PARD3B: variants seen among roughly 807,000 people sequenced by gnomAD.
PARD3B encodes the protein partitioning defective 3 homolog B.
In PARD3B, 103 loss-of-function variants were observed where a neutral mutation model predicts 130.2. That is an observed-to-expected ratio of 0.79 (90% CI 0.67 to 0.93). The LOEUF is 0.93. PARD3B is among the 40% of genes least tolerant of loss of function. The pLI, the probability that PARD3B is intolerant of heterozygous loss-of-function variation, is 0.00. For missense variants in PARD3B, 1,609 were observed against 1,499.2 expected (o/e 1.07, Z -1.21); for synonymous variants, 583 against 553.2 (o/e 1.05, Z -0.76).
At chr2:204,998,382 G>GTATATA (rs1559341610) in intron 3 of PARD3B, among the ~76,000 whole-genome samples, 3 of 93,988 alleles carry the variant, frequency 3.2e-5, no homozygotes, top group Admixed American at 1.1e-4. Context: ...GTGTATATAT[G>GTATATA]TGTGTGTATA....
At chr2:205,218,065 G>A (rs930739050) in intron 15 of PARD3B, among the ~76,000 whole-genome samples, 32 of 151,246 alleles carry the variant, frequency 2.1e-4, no homozygotes, top group Admixed American at 7.9e-4. Context: ...GCTAATTTTT[G>A]TATTTTTAAT....
chr2:204,913,869 G>A (rs1169583204), intron 2 of PARD3B, among the ~76,000 whole-genome samples: 1 of 152,194 alleles, frequency 6.6e-6, no homozygotes, highest in African/African-American at 2.4e-5. Flanking sequence ...CTACTTAACG[G>A]ACAGAACTGT....
rs2036670172 is a variant in PARD3B, at chr2:204,678,632, G to A, written c.121-7549G>A. On this transcript the variant is annotated intron_variant, in intron 1 of 22. Coordinates refer to ENST00000406610, the MANE Select transcript of PARD3B (RefSeq NM_001302769.2). The surrounding 1 kb of genome is among the most constrained non-coding windows in gnomAD (Gnocchi z 4.2). The stretch of plus-strand genomic sequence containing the variant: ...TAAGCCGCGTCTAGCCTTAGTCTCT[G>A]ATGCGCAGTTGCTTCTAGTCTCTGA... Among the ~76,000 whole-genome samples, 1 of 151,966 alleles carries A rather than the reference G, an allele frequency of 6.6e-6. No homozygotes were observed. The highest frequency in any genetic ancestry group is 1.5e-5 in the Non-Finnish European group (1 of 67,982).
At chr2:204,901,377 C>T (rs140439009) in intron 2 of PARD3B, among the ~76,000 whole-genome samples, 1 of 152,146 alleles carries the variant, frequency 6.6e-6, no homozygotes, top group Non-Finnish European at 1.5e-5. Context: ...CTGAGGCCAC[C>T]ACTGCCTGAG....
chr2:204,989,243 G>T (rs1046279220), intron 3 of PARD3B, among the ~76,000 whole-genome samples: 51 of 152,132 alleles, frequency 3.4e-4, no homozygotes, highest in Admixed American at 2.0e-3. Context: ...AATATTTCTA[G>T]GATTGCATGC....
intron 22 of PARD3B, among the ~76,000 whole-genome samples, chr2:205,599,992 G>A (rs1381722696): frequency 6.6e-6 from 1 of 152,184 alleles, no homozygotes; most frequent in Non-Finnish European, 1.5e-5. Flanking sequence ...TAAGCAACTG[G>A]CTATAGAATT....
chr2:205,424,362 C>G (rs1052448331), intron 19 of PARD3B, among the ~76,000 whole-genome samples: 1 of 152,084 alleles, frequency 6.6e-6, no homozygotes, highest in Admixed American at 6.5e-5. Flanking sequence ...GTCGGTGGTA[C>G]TTCTAGAGCT....
intron 2 of PARD3B, among the ~76,000 whole-genome samples, chr2:204,954,487 G>A (rs1375749658): frequency 6.6e-6 from 1 of 152,206 alleles, no homozygotes; most frequent in African/African-American, 2.4e-5. Flanking sequence ...ACGTGTTCAT[G>A]CTAAAGAGTC....
At chr2:204,787,181 T>G (rs1412480805) in intron 2 of PARD3B, among the ~76,000 whole-genome samples, 5 of 130,890 alleles carry the variant, frequency 3.8e-5, no homozygotes. Context: ...TCCTCAGCCT[T>G]GGAGTAAGAG....
chr2:205,377,162 A>G (rs2045090991), intron 18 of PARD3B, among the ~76,000 whole-genome samples: 1 of 152,180 alleles, frequency 6.6e-6, no homozygotes, highest in Admixed American at 6.5e-5. Flanking sequence ...CAGTTACCAT[A>G]AAAAGTTGGA....
intron 3 of PARD3B, among the ~76,000 whole-genome samples, chr2:205,003,938 G>A (rs1695051396): frequency 6.6e-6 from 1 of 152,176 alleles, no homozygotes; most frequent in African/African-American, 2.4e-5. Flanking sequence ...TTGGTTTGTT[G>A]TAGACACTCA....
chr2:205,326,346 A>C (rs1335947835), intron 18 of PARD3B, among the ~76,000 whole-genome samples: 5 of 151,192 alleles, frequency 3.3e-5, no homozygotes, highest in Non-Finnish European at 1.5e-5. Context: ...CAAAAATCTT[A>C]TTCCATTAGG....
intron 18 of PARD3B, among the ~76,000 whole-genome samples, chr2:205,386,064 A>G (rs532056755): frequency 1.3e-5 from 2 of 152,298 alleles, no homozygotes; most frequent in Admixed American, 6.5e-5. Context: ...TATATATTCT[A>G]CAAATTTCTT....
chr2:204,600,521 G>A (rs2033466171), intron 1 of PARD3B, among the ~76,000 whole-genome samples: 1 of 151,778 alleles, frequency 6.6e-6, no homozygotes, highest in African/African-American at 2.4e-5. Context: ...ATTGGTCTGT[G>A]TGCCTGCTTT....
intron 2 of PARD3B, among the ~76,000 whole-genome samples, chr2:204,732,104 A>G (rs796579388): frequency 1.3e-5 from 2 of 151,946 alleles, no homozygotes; most frequent in African/African-American, 4.8e-5. Flanking sequence ...TTTGTATAAA[A>G]AAGTGAAAGT....
At chr2:204,567,760 C>A (rs951280466) in intron 1 of PARD3B, among the ~76,000 whole-genome samples, 1 of 152,082 alleles carries the variant, frequency 6.6e-6, no homozygotes, top group African/African-American at 2.4e-5. Context: ...TATAGTAATT[C>A]TATGTTTTAT....
At chr2:205,406,638 A>G (rs2046423381) in intron 19 of PARD3B, among the ~76,000 whole-genome samples, 1 of 147,350 alleles carries the variant, frequency 6.8e-6, no homozygotes. Context: ...GCCACATAGC[A>G]CCTAAAATCT....
chr2:205,047,498 C>T, intron 3 of PARD3B, 83 bp from the exon 4 acceptor site: 2 of 749,686 alleles, frequency 2.7e-6, no homozygotes, highest in Non-Finnish European at 4.3e-6. Context: ...TGTTGTAAAC[C>T]TTTTAAATTA....
intron 21 of PARD3B, among the ~76,000 whole-genome samples, chr2:205,513,338 A>T (rs1052097012): frequency 6.6e-6 from 1 of 152,012 alleles, no homozygotes; most frequent in African/African-American, 2.4e-5. Flanking sequence ...CTTTCTATGT[A>T]TGGATATATA....
Sources: gnomAD v4.1 joint callset for allele counts (sites outside exome capture counted in the v4.1 genomes callset) on GRCh38, gnomAD v4.1.1 for gene constraint, Gnocchi (gnomAD v3.1) non-coding constraint, MANE v1.5 for transcripts, NCBI Gene and HGNC (gene_info 2026-07-23, HGNC 2026-07-21) for gene names.